The following LGALS9 variants were observed in gnomAD, a reference collection of about 807,000 sequenced individuals.
The protein encoded by LGALS9 is galectin 9.
A neutral mutation model predicts 35.9 loss-of-function variants in LGALS9; 26 were observed. That is an observed-to-expected ratio of 0.72 (90% CI 0.53 to 1.01). The LOEUF (loss-of-function observed/expected upper bound fraction) is 1.01, where lower values mean the gene tolerates loss of function less well. Among genes scored for constraint, LGALS9 ranks in the 50% least tolerant of loss-of-function variants. LGALS9 has a pLI of 0.00. For missense variants in LGALS9, 347 were observed against 445.8 expected (o/e 0.78, Z 1.99); for synonymous variants, 149 against 172.2 (o/e 0.87, Z 1.06).
intron 1 of LGALS9, among the ~76,000 whole-genome samples, chr17:27,635,816 A>C (rs1306853646): frequency 6.6e-6 from 1 of 152,192 alleles, no homozygotes; most frequent in Non-Finnish European, 1.5e-5. Context: ...TTCCACAAAC[A>C]GGCAAGGAGA....
At chr17:27,631,586 G>C (rs1057171292) in intron 1 of LGALS9, among the ~76,000 whole-genome samples, 4 of 152,200 alleles carry the variant, frequency 2.6e-5, no homozygotes, top group Non-Finnish European at 5.9e-5. Context: ...AAGACATGTA[G>C]AGCGGGGTGG....
chr17:27,642,574 C>T (rs557245461), intron 4 of LGALS9, among the ~76,000 whole-genome samples: 97 of 152,116 alleles, frequency 6.4e-4, no homozygotes, highest in Non-Finnish European at 1.0e-3. Context: ...GTCTCCCAGA[C>T]TCCTCAGCTG....
At chr17:27,639,830 G>C (rs1418256206) in intron 2 of LGALS9, among the ~76,000 whole-genome samples, 2 of 152,122 alleles carry the variant, frequency 1.3e-5, no homozygotes, top group African/African-American at 4.8e-5. Context: ...TCCGCCTCCT[G>C]GGTTCAAGTG....
chr17:27,642,126 C>T (rs1904554597), intron 3 of LGALS9, 112 bp from the exon 4 acceptor site: 1 of 1,513,176 alleles, frequency 6.6e-7, no homozygotes, highest in South Asian at 1.3e-5. Context: ...TGGCCCCACA[C>T]TGAAGACCAG....
chr17:27,647,110 T>G lies in LGALS9; in HGVS notation c.750T>G (p.Ser250Arg). 2 of 1,614,188 alleles carry G rather than the reference T, an allele frequency of 1.2e-6. No homozygotes were observed. The highest frequency in any genetic ancestry group is 1.7e-6 in the Non-Finnish European group (2 of 1,180,026). The change falls in exon 9 of 11, where the codon AGT (serine) becomes AGG (arginine). Residue 250 changes from serine to arginine, a missense_variant. Transcript: ENST00000395473. Reference protein sequence around the residue: ...SILLSGTVLPSAQRFHINLCS... With the variant: ...SILLSGTVLPRAQRFHINLCS... ...TCCTGTCAGGCACTGTCCTGCCCAG[T>G]GCTCAGAGGTAAGCCAAGGGCTCCA...
intron 1 of LGALS9, among the ~76,000 whole-genome samples, chr17:27,631,628 G>A (rs2074393935): frequency 1.3e-5 from 2 of 152,124 alleles, no homozygotes; most frequent in South Asian, 2.1e-4. Context: ...CACGCTTCTG[G>A]GACAGTAAGG....
intron 5 of LGALS9, among the ~76,000 whole-genome samples, 198 bp downstream of exon 5, chr17:27,643,818 T>C (rs1172634183): frequency 2.6e-5 from 4 of 152,128 alleles, no homozygotes; most frequent in Admixed American, 1.3e-4. Context: ...TCCCTCTTCT[T>C]TACGTCTCTC....
intron 2 of LGALS9, among the ~76,000 whole-genome samples, chr17:27,639,051 C>T (rs1328836881): frequency 1.3e-5 from 2 of 152,302 alleles, no homozygotes; most frequent in Middle Eastern, 3.4e-3. Flanking sequence ...CTGCGGGGCC[C>T]ACAGAAGAGC....
At chr17:27,646,034 G>A in intron 7 of LGALS9, 123 bp downstream of exon 7, 4 of 937,308 alleles carry the variant, frequency 4.3e-6, no homozygotes, top group Non-Finnish European at 6.7e-6. Context: ...GGACACTAGG[G>A]GCTGAGTGCT....
In LGALS9 at chr17:27,640,797, C is replaced by T. The variant is rs1030608654; in HGVS notation, c.333+24C>T. 3.1e-6 allele frequency: 5 copies of T among 1,613,054 alleles called. No individual in the cohort carries two copies. In the African/African-American group the frequency reaches 5.3e-5, roughly 17 times the overall value. On this transcript the variant is annotated intron_variant, in intron 3 of 10. Transcript: ENST00000395473. ...AGGTGAGCAAGAATCCCCTCCCCAC[C>T]TCTCACCCCTGGGACCCCCAGCCCT... is the stretch of plus-strand genomic sequence containing the variant.
rs149592209 is a variant in LGALS9, at chr17:27,642,309, C to T, written c.405C>T (p.Ser135=). Reference sequence around the variant, plus strand: ...CCTTCCACCGTGTGGACACCATCTCCGTCAATGGCTCTGTGCAGCTGTCCT... The same window carrying T: ...CCTTCCACCGTGTGGACACCATCTCTGTCAATGGCTCTGTGCAGCTGTCCT... ...RVPFHRVDTI[S]VNGSVQLSYI... Residue 135 remains serine (S), a synonymous_variant, in exon 4 of 11, where the codon TCC becomes TCT. Coordinates refer to ENST00000395473, the MANE Select transcript of LGALS9 (RefSeq NM_009587.3). 192 of 1,612,296 alleles carry T rather than the reference C, an allele frequency of 1.2e-4. No homozygotes were observed. The highest frequency in any genetic ancestry group is 2.0e-4 in the Middle Eastern group (1 of 4,950).
chr17:27,643,093 G>A (rs1486167132), intron 4 of LGALS9, among the ~76,000 whole-genome samples: 1 of 152,224 alleles, frequency 6.6e-6, no homozygotes, highest in African/African-American at 2.4e-5. Context: ...AAGGTCAGGA[G>A]ATACCAATAC....
At chr17:27,645,591 C>T (rs916134604) in intron 6 of LGALS9, 85 of 615,688 alleles carry the variant, frequency 1.4e-4, no homozygotes, top group Non-Finnish European at 2.1e-4. Flanking sequence ...CTGTCACCTG[C>T]AAAGGGAGGC....
In LGALS9 at chr17:27,643,582, G is replaced by A; in HGVS notation, c.502G>A (p.Val168Ile). The A allele has an allele frequency of 6.2e-7, 1 of 1,611,896 alleles. No homozygotes were observed. Among genetic ancestry groups the A allele is most frequent in the Non-Finnish European group, 8.5e-7 (1 of 1,179,762 alleles). ...AFSTVPFSQP[V>I]CFPPRPRGRR... ...CTCCACGGTGCCGTTCTCCCAGCCT[G>A]TCTGTTTCCCACCCAGGCCCAGGGG... is the stretch of plus-strand genomic sequence containing the variant. Residue 168 changes from valine (V) to isoleucine (I), a missense_variant, in exon 5 of 11, where the codon GTC becomes ATC. Val to Ile is a conservative substitution (Grantham distance 29). Coordinates refer to ENST00000395473, the MANE Select transcript of LGALS9 (RefSeq NM_009587.3).
intron 1 of LGALS9, among the ~76,000 whole-genome samples, chr17:27,635,283 G>GT (rs1315012052): frequency 6.6e-6 from 1 of 151,904 alleles, no homozygotes; most frequent in Non-Finnish European, 1.5e-5. Flanking sequence ...AAAAAATATT[G>GT]TAAGATTAGT....
intron 10 of LGALS9, 31 bp from the exon 11 acceptor site, chr17:27,648,805 G>A: frequency 6.2e-7 from 1 of 1,613,118 alleles, no homozygotes; most frequent in East Asian, 2.2e-5. Flanking sequence ...GACTTCCCAA[G>A]TGTAGTGCAA....
chr17:27,642,793 T>A (rs1904620714), intron 4 of LGALS9, among the ~76,000 whole-genome samples: 1 of 152,168 alleles, frequency 6.6e-6, no homozygotes, highest in South Asian at 2.1e-4. Context: ...CATGGGTGGT[T>A]GTGTGGTTCA....
intron 1 of LGALS9, among the ~76,000 whole-genome samples, chr17:27,632,017 G>A (rs1309097923): frequency 3.3e-5 from 5 of 152,094 alleles, no homozygotes; most frequent in African/African-American, 7.2e-5. Context: ...GTCAGAGGGC[G>A]GCAGGTGCCT....
intron 5 of LGALS9, 62 bp downstream of exon 5, chr17:27,643,682 G>GCCC: frequency 6.6e-7 from 1 of 1,522,566 alleles, no homozygotes; most frequent in Non-Finnish European, 8.8e-7. Flanking sequence ...GAGGGTCTGA[G>GCCC]AGGCTGGCCC....
Sources: gnomAD v4.1 joint callset for allele counts (sites outside exome capture counted in the v4.1 genomes callset) on GRCh38, gnomAD v4.1.1 for gene constraint, MANE v1.5 for transcripts, NCBI Gene and HGNC (gene_info 2026-07-23, HGNC 2026-07-21) for gene names.